Variants in PCDH15 observed in about 807,000 individuals in gnomAD.
PCDH15 encodes the protein protocadherin-15.
Under a neutral mutation model 178.5 loss-of-function variants are expected in PCDH15, and 129 were observed. That is an observed-to-expected ratio of 0.72 (90% CI 0.63 to 0.84). The LOEUF (loss-of-function observed/expected upper bound fraction) is 0.84. Among genes scored for constraint, PCDH15 ranks in the 40% least tolerant of loss-of-function variants. PCDH15 has a pLI of 0.00. For synonymous variants in PCDH15, 800 were observed against 732.0 expected (o/e 1.09, Z -1.50); for missense variants, 2,230 against 2,099.9 (o/e 1.06, Z -1.21).
chr10:54,621,588 C>T (rs934623783), intron 2 of PCDH15, among the ~76,000 whole-genome samples: 1 of 151,898 alleles, frequency 6.6e-6, no homozygotes, highest in Non-Finnish European at 1.5e-5. Flanking sequence ...TACATAGTCT[C>T]TATCTATTTT....
intron 2 of PCDH15, among the ~76,000 whole-genome samples, chr10:55,582,463 G>T (rs953921825): frequency 6.6e-6 from 1 of 151,576 alleles, no homozygotes; most frequent in African/African-American, 2.4e-5. Context: ...AGAGTAAAAA[G>T]GAATTGGGAT....
At chr10:54,123,457 C>G (rs139132156) in intron 15 of PCDH15, among the ~76,000 whole-genome samples, 237 of 152,100 alleles carry the variant, frequency 1.6e-3, no homozygotes, top group African/African-American at 5.3e-3. Context: ...AAATGCAAGT[C>G]AAAACCACTA....
At chr10:55,205,872 T>G (rs1686383850) in intron 1 of PCDH15, among the ~76,000 whole-genome samples, 1 of 152,046 alleles carries the variant, frequency 6.6e-6, no homozygotes, top group Admixed American at 6.5e-5. Context: ...CTCACAGTCA[T>G]CGCAGAAGGC....
At chr10:55,533,658 C>T (rs1366176437) in intron 2 of PCDH15, among the ~76,000 whole-genome samples, 1 of 151,808 alleles carries the variant, frequency 6.6e-6, no homozygotes. Flanking sequence ...CTGTCCAAAG[C>T]AGTTTACAGA....
intron 8 of PCDH15, among the ~76,000 whole-genome samples, chr10:54,289,375 A>G (rs886121350): frequency 1.3e-5 from 2 of 152,372 alleles, no homozygotes; most frequent in East Asian, 3.9e-4. Context: ...CATTTATACC[A>G]AAACCCCATC....
intron 26 of PCDH15, among the ~76,000 whole-genome samples, chr10:53,880,568 A>G (rs1328521233): frequency 6.7e-6 from 1 of 149,910 alleles, no homozygotes; most frequent in Non-Finnish European, 1.5e-5. Context: ...TAATAAATTT[A>G]CAAACAGAAA....
At chr10:55,610,627 T>C (rs1843347004) in intron 2 of PCDH15, among the ~76,000 whole-genome samples, 11 of 152,126 alleles carry the variant, frequency 7.2e-5, no homozygotes, top group Admixed American at 6.6e-4. Flanking sequence ...GTTTCTGTTT[T>C]ATATACTTAA....
chr10:55,544,826 A>T (rs915391668), intron 2 of PCDH15, among the ~76,000 whole-genome samples: 2 of 152,136 alleles, frequency 1.3e-5, no homozygotes, highest in Non-Finnish European at 2.9e-5. Context: ...GATTGCCTAG[A>T]ACAGAGAGGG....
At chr10:54,250,305 C>A (rs779253346) in intron 8 of PCDH15, among the ~76,000 whole-genome samples, 3 of 125,546 alleles carry the variant, frequency 2.4e-5, no homozygotes, top group Non-Finnish European at 4.8e-5. Context: ...GACAGAGTCT[C>A]GCTCTGTCAA....
chr10:54,745,111 T>C (rs564141046), intron 1 of PCDH15, among the ~76,000 whole-genome samples: 1 of 152,096 alleles, frequency 6.6e-6, no homozygotes, highest in Non-Finnish European at 1.5e-5. Context: ...AGGGGAAAAA[T>C]AAAAAATCTT....
At chr10:55,090,557 G>A (rs1268676709) in intron 2 of PCDH15, among the ~76,000 whole-genome samples, 1 of 151,942 alleles carries the variant, frequency 6.6e-6, no homozygotes, top group Non-Finnish European at 1.5e-5. Flanking sequence ...TCCATAAGCG[G>A]TAGGAGACTA....
intron 16 of PCDH15, among the ~76,000 whole-genome samples, chr10:54,080,212 G>T (rs761321407): frequency 1.1e-4 from 17 of 151,936 alleles, no homozygotes; most frequent in Non-Finnish European, 1.6e-4. Flanking sequence ...TAATTTAACT[G>T]ATGTATAATG....
At chr10:54,735,412 T>C (rs888577521) in intron 1 of PCDH15, among the ~76,000 whole-genome samples, 19 of 152,066 alleles carry the variant, frequency 1.2e-4, no homozygotes, top group African/African-American at 4.6e-4. Flanking sequence ...TTTTACACTG[T>C]TGGTGGGACT....
chr10:55,132,914 C>T (rs1425987531), intron 2 of PCDH15, among the ~76,000 whole-genome samples: 3 of 152,128 alleles, frequency 2.0e-5, no homozygotes, highest in East Asian at 1.9e-4. Context: ...TAAGTTCTTC[C>T]TAATTTAGTT....
intron 26 of PCDH15, among the ~76,000 whole-genome samples, chr10:53,893,392 A>G (rs1215132296): frequency 6.6e-6 from 1 of 152,260 alleles, no homozygotes; most frequent in African/African-American, 2.4e-5. Context: ...ATTTGAAATG[A>G]TCATTCATGC....
intron 8 of PCDH15, among the ~76,000 whole-genome samples, chr10:54,259,022 T>A (rs1290192083): frequency 1.3e-5 from 2 of 152,160 alleles, no homozygotes; most frequent in Admixed American, 1.3e-4. Flanking sequence ...ATAAAATATA[T>A]TCATTTAAAT....
At chr10:54,003,736 CAAAAAAAAAAA>C (rs55871741) in intron 20 of PCDH15, among the ~76,000 whole-genome samples, 12 of 76,206 alleles carry the variant, frequency 1.6e-4, no homozygotes, top group Non-Finnish European at 2.6e-4. Flanking sequence ...CAAACTATTC[CAAAAAAAAAAA>C]AAAAAAAAAA....
chr10:54,673,458 G>C (rs191676384), intron 1 of PCDH15, among the ~76,000 whole-genome samples: 70 of 152,270 alleles, frequency 4.6e-4, no homozygotes, highest in South Asian at 8.3e-4. Context: ...TTTGTTTTGA[G>C]ATGGAGTTTT....
chr10:53,854,049 G>T (rs1056933830), intron 28 of PCDH15, among the ~76,000 whole-genome samples: 2 of 151,978 alleles, frequency 1.3e-5, no homozygotes, highest in African/African-American at 2.4e-5. Flanking sequence ...ACAGAATGTG[G>T]TATGTATTGA....
Sources: gnomAD v4.1 joint callset for allele counts (sites outside exome capture counted in the v4.1 genomes callset) on GRCh38, gnomAD v4.1.1 for gene constraint, MANE v1.5 for transcripts, NCBI Gene and HGNC (gene_info 2026-07-23, HGNC 2026-07-21) for gene names.